GSTO1: variants seen among roughly 807,000 people sequenced by gnomAD.
GSTO1 encodes glutathione S-transferase omega-1.
A neutral mutation model predicts 23.8 loss-of-function variants in GSTO1; 27 were observed. That is an observed-to-expected ratio of 1.13 (90% CI 0.83 to 1.56). GSTO1 has a LOEUF of 1.56. Among genes scored for constraint, GSTO1 ranks in the 40% most tolerant of loss-of-function variants. The pLI, the probability that GSTO1 is intolerant of heterozygous loss-of-function variation, is 0.00. For missense variants in GSTO1, 255 were observed against 285.8 expected, an observed-to-expected ratio of 0.89 and a Z score of 0.78; for synonymous variants, 105 against 109.3, an observed-to-expected ratio of 0.96 and a Z score of 0.25.
At chr10:104,267,195 T>G in intron 5 of GSTO1, 57 bp from the exon 6 acceptor site, 1 of 1,156,256 alleles carries the variant, frequency 8.6e-7, no homozygotes, top group Non-Finnish European at 1.2e-6. Context: ...TGGGAGACTC[T>G]GTGATGTCAT....
At chr10:104,263,454 TATC>T (rs1391454171) in intron 4 of GSTO1, among the ~76,000 whole-genome samples, 2 of 152,250 alleles carry the variant, frequency 1.3e-5, no homozygotes, top group African/African-American at 4.8e-5. Flanking sequence ...AGAGCATAGA[TATC>T]ATTCTGTGTC....
chr10:104,262,835 CT>C, intron 3 of GSTO1, 143 bp from the exon 4 acceptor site: 1 of 501,148 alleles, frequency 2.0e-6, no homozygotes. Flanking sequence ...TCCATTACCT[CT>C]GTGAGCGCAG....
intron 4 of GSTO1, among the ~76,000 whole-genome samples, chr10:104,264,823 C>G (rs964215269): frequency 1.3e-5 from 2 of 152,116 alleles, no homozygotes; most frequent in Non-Finnish European, 2.9e-5. Context: ...AACATAAAAC[C>G]ATCAAACATA....
intron 3 of GSTO1, among the ~76,000 whole-genome samples, chr10:104,261,239 A>G (rs576427623): frequency 6.6e-6 from 1 of 152,210 alleles, no homozygotes; most frequent in African/African-American, 2.4e-5. Flanking sequence ...GCATAAAGCT[A>G]CTACTTTAAA....
chr10:104,266,075 A>G lies in GSTO1; in HGVS notation c.466-9A>G. The G allele has an allele frequency of 7.3e-7, 1 of 1,370,728 alleles. No homozygotes were observed. Among genetic ancestry groups the G allele is most frequent in the Non-Finnish European group, 1.0e-6 (1 of 958,292 alleles). The allele number at this position is 1,370,728 out of a possible 1,614,324, so 84.9% of individuals were successfully genotyped here. On this transcript the variant is annotated splice_polypyrimidine_tract_variant and intron_variant, in intron 4 of 5. Transcript: ENST00000369713. ...AGTAAGAAATACTTTTATGCTGTTT[A>G]ATGTTCAGGTTCTGACTAATAAGAA... is the stretch of plus-strand genomic sequence containing the variant.
At chr10:104,262,289 T>C (rs189377518) in intron 3 of GSTO1, among the ~76,000 whole-genome samples, 3 of 152,330 alleles carry the variant, frequency 2.0e-5, no homozygotes, top group Admixed American at 6.5e-5. Context: ...GTGCTCAGCT[T>C]GGACTGGCAG....
Position 104,266,113 on chromosome 10 carries a change from T to C in GSTO1, c.495T>C (p.Phe165=), listed in dbSNP as rs199820147. 6.2e-7 allele frequency: 1 copy of C among 1,608,470 alleles called. No homozygotes were observed. The highest frequency in any genetic ancestry group is 1.7e-5 in the Admixed American group (1 of 60,010). ...TGACTAATAAGAAGACGACCTTCTTTGGTGGCAATTCTATCTCTATGATTG... is the reference window on the plus strand; with the variant it reads ...TGACTAATAAGAAGACGACCTTCTTCGGTGGCAATTCTATCTCTATGATTG... The part of the protein sequence containing the change: ...EVLTNKKTTF[F]GGNSISMIDY... The change falls in exon 5 of 6, where the codon TTT becomes TTC. Residue 165 remains phenylalanine (F), a synonymous_variant. Transcript: ENST00000369713.
chr10:104,267,067 G>C (rs2011198250), intron 5 of GSTO1, among the ~76,000 whole-genome samples, 185 bp from the exon 6 acceptor site: 1 of 152,020 alleles, frequency 6.6e-6, no homozygotes, highest in Non-Finnish European at 1.5e-5. Context: ...TTCCTTTTGT[G>C]TAAAAAAGGG....
In GSTO1 at chr10:104,255,278, A is replaced by G. The variant is rs769210591; in HGVS notation, c.143+7A>G. ...TGAAGGCCAAGGGAATCAGGTGGGCACCCAGGCGGGGGACGCTCCCCGAGC... is the reference window on the plus strand; with the variant it reads ...TGAAGGCCAAGGGAATCAGGTGGGCGCCCAGGCGGGGGACGCTCCCCGAGC... On this transcript the variant is annotated splice_region_variant and intron_variant, in intron 2 of 5. Transcript: ENST00000369713. 3.8e-6 allele frequency: 6 copies of G among 1,587,658 alleles called. No homozygotes were observed. In the East Asian group the frequency reaches 1.3e-4, roughly 36 times the overall value.
chr10:104,266,374 C>T (rs1435894477), intron 5 of GSTO1, among the ~76,000 whole-genome samples, 184 bp downstream of exon 5: 1 of 152,234 alleles, frequency 6.6e-6, no homozygotes, highest in Non-Finnish European at 1.5e-5. Context: ...TCCATCACTG[C>T]AATGGGGCAG....
At chr10:104,261,659 A>G (rs1185856209) in intron 3 of GSTO1, among the ~76,000 whole-genome samples, 1 of 152,240 alleles carries the variant, frequency 6.6e-6, no homozygotes, top group Non-Finnish European at 1.5e-5. Flanking sequence ...GAGGAAAAAC[A>G]GACGAAAGAC....
intron 4 of GSTO1, among the ~76,000 whole-genome samples, chr10:104,265,596 T>C (rs2011172658): frequency 6.6e-6 from 1 of 152,236 alleles, no homozygotes; most frequent in South Asian, 2.1e-4. Flanking sequence ...CCTTGCCAAC[T>C]TCATTTTGTT....
rs1287205143 is a variant in GSTO1, at chr10:104,266,116, T to G, written c.498T>G (p.Gly166=). Residue 166 remains glycine (G), a synonymous_variant, in exon 5 of 6, where the codon GGT becomes GGG. Coordinates refer to ENST00000369713, the MANE Select transcript of GSTO1 (RefSeq NM_004832.3). ...CTAATAAGAAGACGACCTTCTTTGG[T>G]GGCAATTCTATCTCTATGATTGATT... ...VLTNKKTTFF[G]GNSISMIDYL... is the part of the protein sequence containing the mutation. The G allele has an allele frequency of 3.1e-6, 5 of 1,609,530 alleles. No homozygotes were observed. The East Asian group carries it at 1.1e-4, about 36-fold the overall frequency.
chr10:104,259,757 G>A lies in GSTO1; in HGVS notation c.325G>A (p.Glu109Lys), dbSNP rs773171640. The change falls in exon 3 of 6, where the codon GAG (glutamate) becomes AAG (lysine). Residue 109 changes from glutamate to lysine, a missense_variant. Glu to Lys is a moderately conservative substitution (Grantham distance 56). Transcript: ENST00000369713. ...GAAGCTGTTGCCGGATGACCCCTAT[G>A]AGAAAGCTTGCCAGAAGATGATCTT... is the stretch of plus-strand genomic sequence containing the variant. ...GKKLLPDDPY[E>K]KACQKMILEL... 1 of 1,613,794 alleles carries A rather than the reference G, an allele frequency of 6.2e-7. No homozygotes were observed. Among genetic ancestry groups the A allele is most frequent in the Non-Finnish European group, 8.5e-7 (1 of 1,179,682 alleles).
At chr10:104,259,875 T>C in intron 3 of GSTO1, 77 bp downstream of exon 3, 1 of 932,964 alleles carries the variant, frequency 1.1e-6, no homozygotes, top group African/African-American at 1.6e-5. Context: ...CATTTATGGT[T>C]CAGTGATTTG....
intron 5 of GSTO1, among the ~76,000 whole-genome samples, chr10:104,266,556 G>A (rs1205634324): frequency 6.6e-6 from 1 of 152,180 alleles, no homozygotes; most frequent in African/African-American, 2.4e-5. Flanking sequence ...GGCCAATGTG[G>A]TGAAACCCCA....
In GSTO1 at chr10:104,265,872, T is replaced by C. The variant is rs943486004; in HGVS notation, c.466-212T>C. Among the ~76,000 whole-genome samples, 146 of 152,212 alleles carry C rather than the reference T, an allele frequency of 9.6e-4. 1 individual carries two copies. The highest frequency in any genetic ancestry group is 5.9e-4 in the Admixed American group (9 of 15,288). On this transcript the variant is annotated intron_variant, in intron 4 of 5. Transcript: ENST00000369713. ...CTCTGTGACTTGTTTTATTTTTCAA[T>C]TTTCCAGTTTATGTTGTTGATTGTT...
chr10:104,266,266 G>T, intron 5 of GSTO1, 76 bp downstream of exon 5: 1 of 799,256 alleles, frequency 1.3e-6, no homozygotes. Context: ...CTTTATAACA[G>T]AAGTTGAAAT....
intron 3 of GSTO1, among the ~76,000 whole-genome samples, chr10:104,262,693 TAG>T (rs1476324829): frequency 6.6e-6 from 1 of 152,170 alleles, no homozygotes; most frequent in Non-Finnish European, 1.5e-5. Context: ...GCCTGGGTGA[TAG>T]AGCATGACTC....
Sources: gnomAD v4.1 joint callset for allele counts (sites outside exome capture counted in the v4.1 genomes callset) on GRCh38, gnomAD v4.1.1 for gene constraint, MANE v1.5 for transcripts, NCBI Gene and HGNC (gene_info 2026-07-23, HGNC 2026-07-21) for gene names.